The following HCK variants were observed in gnomAD, a reference collection of about 807,000 sequenced individuals.
HCK encodes HCK proto-oncogene, Src family tyrosine kinase, also known as tyrosine-protein kinase HCK.
A neutral mutation model predicts 70.4 loss-of-function variants in HCK; 40 were observed. The observed-to-expected ratio is 0.57, with a 90% CI of 0.44 to 0.74. The LOEUF (loss-of-function observed/expected upper bound fraction) is 0.74, where lower values mean the gene tolerates loss of function less well. HCK is among the 30% of genes least tolerant of loss of function. HCK has a pLI of 0.00. For missense variants in HCK, 568 were observed against 697.2 expected (o/e 0.81, Z 2.09); for synonymous variants, 245 against 263.2 (o/e 0.93, Z 0.67).
intron 1 of HCK, among the ~76,000 whole-genome samples, chr20:32,067,793 T>C (rs1331524644): frequency 6.6e-6 from 1 of 152,090 alleles, no homozygotes; most frequent in Non-Finnish European, 1.5e-5. Context: ...TGAGCACAGA[T>C]GGAGTCATAG....
intron 1 of HCK, among the ~76,000 whole-genome samples, chr20:32,061,168 G>T (rs1049173844): frequency 2.6e-5 from 4 of 152,178 alleles, no homozygotes; most frequent in Non-Finnish European, 4.4e-5. Context: ...ATTTTTAGTA[G>T]AGACGGGGTT....
intron 8 of HCK, among the ~76,000 whole-genome samples, chr20:32,086,129 C>T (rs983943345): frequency 2.6e-5 from 4 of 152,206 alleles, no homozygotes; most frequent in Non-Finnish European, 4.4e-5. Context: ...ACACCATTCT[C>T]CTGCCTCAGC....
intron 1 of HCK, among the ~76,000 whole-genome samples, chr20:32,055,784 C>G (rs1433815982): frequency 6.6e-6 from 1 of 152,162 alleles, no homozygotes; most frequent in African/African-American, 2.4e-5. Context: ...CTAAACATTT[C>G]CATCACCCCT....
intron 12 of HCK, among the ~76,000 whole-genome samples, chr20:32,099,661 C>G (rs1196987467): frequency 2.6e-5 from 4 of 151,788 alleles, no homozygotes; most frequent in Non-Finnish European, 5.9e-5. Flanking sequence ...CCTGGCCTCA[C>G]CCCTATGACA....
chr20:32,055,874 T>C (rs974165386), intron 1 of HCK, among the ~76,000 whole-genome samples: 1 of 152,208 alleles, frequency 6.6e-6, no homozygotes, highest in African/African-American at 2.4e-5. Context: ...GCTTTTTGCC[T>C]CTACGGACTA....
At chr20:32,052,955 G>A (rs2045203770) in intron 1 of HCK, among the ~76,000 whole-genome samples, 1 of 152,108 alleles carries the variant, frequency 6.6e-6, no homozygotes, top group African/African-American at 2.4e-5. Flanking sequence ...TGACGTGCGA[G>A]CCACACCCAG....
Position 32,084,172 on chromosome 20 carries a change from A to T in HCK, c.682+129A>T. On this transcript the variant is annotated intron_variant, in intron 7 of 12. Transcript: ENST00000375852. ...TCCCCTAGACAGATAGTTGCTTTGGATGCTTCTGAAGGCTTAGGACTGTTG... is the reference window on the plus strand; with the variant it reads ...TCCCCTAGACAGATAGTTGCTTTGGTTGCTTCTGAAGGCTTAGGACTGTTG... 1 of 1,145,194 alleles carries T rather than the reference A, an allele frequency of 8.7e-7. No individual in the cohort carries two copies. Among genetic ancestry groups the T allele is most frequent in the Non-Finnish European group, 1.2e-6 (1 of 819,788 alleles). The allele number at this position is 1,145,194 out of a possible 1,614,324, so 70.9% of individuals were successfully genotyped here. A position where few individuals can be genotyped will look rare whatever the true frequency, so the allele number is the denominator to read the frequency against.
rs1234607307 is a variant in HCK, at chr20:32,101,521, A to AG, written c.*5dup. The AG allele has an allele frequency of 6.2e-7, 1 of 1,610,828 alleles. No homozygotes were observed. Among genetic ancestry groups the AG allele is most frequent in the African/African-American group, 1.3e-5 (1 of 75,002 alleles). On this transcript the variant is annotated 3_prime_UTR_variant, in exon 13 of 13. Transcript: ENST00000375852. The stretch of plus-strand genomic sequence containing the variant: ...AGCCAGTACCAACAGCAGCCATGAT[A>AG]GGGAGGACCAGGGCAGGGCCAGGGG...
chr20:32,074,853 T>C, intron 5 of HCK, 132 bp downstream of exon 5: 1 of 627,578 alleles, frequency 1.6e-6, no homozygotes, highest in East Asian at 2.8e-5. Context: ...CTTGGCTGGC[T>C]CCTTCTCTTC....
At chr20:32,092,218 T>C (rs1376287131) in intron 10 of HCK, among the ~76,000 whole-genome samples, 1 of 152,090 alleles carries the variant, frequency 6.6e-6, no homozygotes, top group Admixed American at 6.5e-5. Context: ...GCTGGGTTAT[T>C]TAGAGGCAGC....
Position 32,079,828 on chromosome 20 carries a change from C to A in HCK, c.483C>A (p.Pro161=). 1 of 1,614,104 alleles carries A rather than the reference C, an allele frequency of 6.2e-7. No homozygotes were observed. The highest frequency in any genetic ancestry group is 8.5e-7 in the Non-Finnish European group (1 of 1,179,950). Residue 161 remains proline, a synonymous_variant, in exon 6 of 13, where the codon CCC becomes CCA. Transcript: ENST00000375852. The stretch of plus-strand genomic sequence containing the variant: ...ACGCAGAGCGCCAACTGCTGGCTCC[C>A]GGCAACATGCTGGGCTCCTTCATGA...
chr20:32,085,596 T>G (rs1259474800), intron 8 of HCK, among the ~76,000 whole-genome samples: 2 of 152,076 alleles, frequency 1.3e-5, no homozygotes, highest in African/African-American at 4.8e-5. Flanking sequence ...TGGTGAGATT[T>G]GAAAGCCAAA....
intron 5 of HCK, among the ~76,000 whole-genome samples, chr20:32,077,876 C>A (rs773130419): frequency 6.6e-6 from 1 of 152,146 alleles, no homozygotes; most frequent in Non-Finnish European, 1.5e-5. Flanking sequence ...GTCCTACCGT[C>A]CATTTAACCT....
At chr20:32,094,347 G>A (rs1453645481) in intron 11 of HCK, among the ~76,000 whole-genome samples, 1 of 152,126 alleles carries the variant, frequency 6.6e-6, no homozygotes, top group Non-Finnish European at 1.5e-5. Flanking sequence ...AGGATGGATT[G>A]TGGTATATTC....
At chr20:32,093,010 T>C (rs2045884328) in intron 10 of HCK, among the ~76,000 whole-genome samples, 4 of 152,284 alleles carry the variant, frequency 2.6e-5, no homozygotes, top group Admixed American at 2.0e-4. Flanking sequence ...AGTGGCACGA[T>C]CTCGGCTCAC....
chr20:32,089,595 G>A (rs1440697899), intron 10 of HCK, among the ~76,000 whole-genome samples: 7 of 152,114 alleles, frequency 4.6e-5, no homozygotes, highest in Non-Finnish European at 1.0e-4. Context: ...TTCACAAATC[G>A]CAAAAACACT....
At chr20:32,060,452 A>C (rs1478522555) in intron 1 of HCK, among the ~76,000 whole-genome samples, 2 of 152,076 alleles carry the variant, frequency 1.3e-5, no homozygotes, top group Admixed American at 6.6e-5. Context: ...AACTCCTGAC[A>C]TCAGGTGATC....
At chr20:32,052,784 G>C (rs527549394) in intron 1 of HCK, among the ~76,000 whole-genome samples, 15 of 125,328 alleles carry the variant, frequency 1.2e-4, no homozygotes, top group South Asian at 4.6e-4. Context: ...CCCCTTCTTG[G>C]GGGGGGGCGG....
At chr20:32,083,465 C>T (rs1463356476) in intron 6 of HCK, among the ~76,000 whole-genome samples, 1 of 152,096 alleles carries the variant, frequency 6.6e-6, no homozygotes, top group Admixed American at 6.5e-5. Flanking sequence ...ATACTATGGT[C>T]TCTTGGCTTT....
Sources: gnomAD v4.1 joint callset for allele counts (sites outside exome capture counted in the v4.1 genomes callset) on GRCh38, gnomAD v4.1.1 for gene constraint, MANE v1.5 for transcripts, NCBI Gene and HGNC (gene_info 2026-07-23, HGNC 2026-07-21) for gene names.